SNX18: variants seen among roughly 807,000 people sequenced by gnomAD.
SNX18 encodes sorting nexin 18, also known as sorting nexin-18.
In SNX18, 35 loss-of-function variants were observed where a neutral mutation model predicts 48.7. The observed-to-expected ratio is 0.72, with a 90% confidence interval of 0.55 to 0.95. The LOEUF is 0.95. Among genes scored for constraint, SNX18 ranks in the 40% least tolerant of loss-of-function variants. SNX18 has a pLI of 0.00. For synonymous variants in SNX18, 492 were observed against 384.7 expected, an observed-to-expected ratio of 1.28 and a Z score of -3.26; for missense variants, 824 against 871.0, an observed-to-expected ratio of 0.95 and a Z score of 0.68.
the SNX18 span, among the ~76,000 whole-genome samples, chr5:54,597,382 A>G: frequency 6.6e-6 from 1 of 150,894 alleles, no homozygotes; most frequent in Non-Finnish European, 1.5e-5. Context: ...CCCTGGGCCA[A>G]GTTGACCTGA....
At chr5:54,606,168 G>T in the SNX18 span, among the ~76,000 whole-genome samples, 1 of 152,126 alleles carries the variant, frequency 6.6e-6, no homozygotes, top group African/African-American at 2.4e-5. Context: ...GCTGCCTGTG[G>T]CTACACACCA....
the SNX18 span, among the ~76,000 whole-genome samples, chr5:54,600,165 A>C: frequency 4.6e-5 from 7 of 152,220 alleles, no homozygotes; most frequent in African/African-American, 1.7e-4. Context: ...AGGTGGGCAA[A>C]GGACATGAAC....
At position 54,519,123 on chromosome 5, in the gene SNX18, A is replaced by C; in HGVS notation, c.1171A>C (p.Lys391Gln). The change falls in exon 1 of 2, where the codon AAG becomes CAG. Residue 391 changes from lysine (K) to glutamine (Q), a missense_variant. Physicochemically the swap from Lys to Gln is moderately conservative, Grantham distance 53. This residue lies in a region of SNX18 where 443 missense variants were observed against 503.6 expected (regional missense o/e 0.88). Coordinates refer to ENST00000381410, the MANE Select transcript of SNX18 (RefSeq NM_001102575.2). ...CPSSTDEKAW[K>Q]QGKRKAEKDE... ...CAGCAGCACCGACGAGAAAGCCTGG[A>C]AGCAGGGCAAGAGGAAGGCCGAGAA... 1 of 1,614,078 alleles carries C rather than the reference A, an allele frequency of 6.2e-7. No individual in the cohort carries two copies. Among genetic ancestry groups the C allele is most frequent in the Non-Finnish European group, 8.5e-7 (1 of 1,179,996 alleles).
At chr5:54,621,572 G>T in the SNX18 span, among the ~76,000 whole-genome samples, 1 of 152,198 alleles carries the variant, frequency 6.6e-6, no homozygotes, top group Admixed American at 6.5e-5. Context: ...TCCCTGTTTA[G>T]TGACCACTGC....
chr5:54,517,872 T>C lies in SNX18; in HGVS notation c.-81T>C. ...GGGGCTCCAGTCCGCGCGCCAGGGCTCGAGCAGTACCGCGGGCCCCTCAGG... is the reference window on the plus strand; with the variant it reads ...GGGGCTCCAGTCCGCGCGCCAGGGCCCGAGCAGTACCGCGGGCCCCTCAGG... On this transcript the variant is annotated 5_prime_UTR_variant, in exon 1 of 2. Transcript: ENST00000381410. 1 of 1,361,000 alleles carries C rather than the reference T, an allele frequency of 7.3e-7. No homozygotes were observed. Among genetic ancestry groups the C allele is most frequent in the Non-Finnish European group, 9.4e-7 (1 of 1,060,312 alleles). 84.3% of individuals were successfully genotyped at this position (1,361,000 alleles called of 1,614,324 possible).
the SNX18 span, among the ~76,000 whole-genome samples, chr5:54,638,892 G>A: frequency 6.6e-6 from 1 of 152,108 alleles, no homozygotes; most frequent in East Asian, 1.9e-4. Flanking sequence ...ATCCTTTGAA[G>A]GCCTGAGGTG....
the SNX18 span, among the ~76,000 whole-genome samples, chr5:54,639,849 T>G: frequency 6.6e-6 from 1 of 152,168 alleles, no homozygotes; most frequent in African/African-American, 2.4e-5. Context: ...AAGGAGGTTA[T>G]GCAAGGGCAT....
the SNX18 span, among the ~76,000 whole-genome samples, chr5:54,606,466 G>A: frequency 0.036 from 5,410 of 152,226 alleles, 260 homozygotes; most frequent in African/African-American, 0.11. Context: ...TCTGACCTCT[G>A]GTTGGCCATT....
chr5:54,588,665 T>A, the SNX18 span, among the ~76,000 whole-genome samples: 1 of 152,150 alleles, frequency 6.6e-6, no homozygotes, highest in Admixed American at 6.5e-5. Flanking sequence ...CACTTACTAG[T>A]GGGATGCGTG....
chr5:54,591,122 G>C, the SNX18 span, among the ~76,000 whole-genome samples: 2 of 151,988 alleles, frequency 1.3e-5, no homozygotes, highest in African/African-American at 4.8e-5. Flanking sequence ...TACCACTCTT[G>C]ACCACATTCT....
At chr5:54,575,738 C>T in the SNX18 span, among the ~76,000 whole-genome samples, 2 of 151,982 alleles carry the variant, frequency 1.3e-5, no homozygotes, top group African/African-American at 4.8e-5. Flanking sequence ...CCCCACCATA[C>T]CAGGAGAGAA....
chr5:54,563,267 A>G, the SNX18 span, among the ~76,000 whole-genome samples: 3 of 152,194 alleles, frequency 2.0e-5, no homozygotes, highest in African/African-American at 7.2e-5. Flanking sequence ...AGGTCTTTAC[A>G]TTCACTCACT....
At chr5:54,626,219 G>C in the SNX18 span, among the ~76,000 whole-genome samples, 1 of 152,210 alleles carries the variant, frequency 6.6e-6, no homozygotes, top group African/African-American at 2.4e-5. Flanking sequence ...AAAAGAATCA[G>C]CAAGAACTTT....
At chr5:54,624,125 T>A in the SNX18 span, among the ~76,000 whole-genome samples, 1 of 152,306 alleles carries the variant, frequency 6.6e-6, no homozygotes, top group African/African-American at 2.4e-5. Context: ...CCATTCAGCA[T>A]CTTAAGAGAT....
the SNX18 span, among the ~76,000 whole-genome samples, chr5:54,587,830 A>T: frequency 6.6e-6 from 1 of 152,128 alleles, no homozygotes; most frequent in African/African-American, 2.4e-5. Flanking sequence ...AAAATCCCCA[A>T]TATTTTTTAA....
chr5:54,550,850 G>A (rs1762645536), downstream of SNX18, among the ~76,000 whole-genome samples: 1 of 152,156 alleles, frequency 6.6e-6, no homozygotes, highest in Non-Finnish European at 1.5e-5. Context: ...CTCCCAAAGT[G>A]CTGGGATTAC....
At chr5:54,552,066 G>C in the SNX18 span, among the ~76,000 whole-genome samples, 5,173 of 152,322 alleles carry the variant, frequency 0.034, 114 homozygotes, top group Non-Finnish European at 0.049. Context: ...TCCAGGAGGA[G>C]AGAGCAGCCA....
chr5:54,550,355 C>G (rs1462652864), downstream of SNX18, among the ~76,000 whole-genome samples: 1 of 151,974 alleles, frequency 6.6e-6, no homozygotes, highest in African/African-American at 2.4e-5. Context: ...AAAATTGGAC[C>G]TTTTAGGTAT....
the SNX18 span, among the ~76,000 whole-genome samples, chr5:54,585,756 C>A: frequency 3.3e-5 from 5 of 152,222 alleles, no homozygotes; most frequent in South Asian, 8.3e-4. Context: ...GTAATCCCAG[C>A]ACTTTGGGAG....
Sources: gnomAD v4.1 joint callset for allele counts (sites outside exome capture counted in the v4.1 genomes callset) on GRCh38, gnomAD v4.1.1 for gene constraint, gnomAD v4.1.1 regional missense constraint, MANE v1.5 for transcripts, NCBI Gene and HGNC (gene_info 2026-07-23, HGNC 2026-07-21) for gene names.